MTMR8: variants seen among roughly 807,000 people sequenced by gnomAD.
MTMR8 encodes myotubularin related protein 8.
A neutral mutation model predicts 39.3 loss-of-function variants in MTMR8; 65 were observed. The ratio of observed to expected loss-of-function variants is 1.65; its 90% CI spans 1.35 to 2.03. MTMR8 has a LOEUF of 2.03. Among genes scored for constraint, MTMR8 ranks in the 30% most tolerant of loss-of-function variants. MTMR8 has a pLI of 0.00. For missense variants in MTMR8, 777 were observed against 538.9 expected, an observed-to-expected ratio of 1.44 and a Z score of -4.37; for synonymous variants, 245 against 185.2, an observed-to-expected ratio of 1.32 and a Z score of -2.62.
At chrX:64,349,387 A>G (rs1923425705) in intron 5 of MTMR8, among the ~76,000 whole-genome samples, 1 of 111,698 alleles carries the variant, frequency 9.0e-6, no homozygotes, top group Admixed American at 9.5e-5. Flanking sequence ...ATGACACCCA[A>G]TTGCATTACT....
chrX:64,335,787 G>A (rs1315809877), intron 10 of MTMR8, among the ~76,000 whole-genome samples: 1 of 111,952 alleles, frequency 8.9e-6, no homozygotes, highest in Non-Finnish European at 1.9e-5. Flanking sequence ...ACCTCTTCGT[G>A]CAATGTTAAG....
At chrX:64,282,884 C>T (rs764372617) in intron 12 of MTMR8, among the ~76,000 whole-genome samples, 2 of 111,504 alleles carry the variant, frequency 1.8e-5, no homozygotes, top group Non-Finnish European at 1.9e-5. Context: ...CTCCAGTCTA[C>T]AGCTCCCAGC....
intron 1 of MTMR8, among the ~76,000 whole-genome samples, chrX:64,383,861 T>C (rs976717329): frequency 9.0e-6 from 1 of 111,194 alleles, no homozygotes; most frequent in Non-Finnish European, 1.9e-5. Context: ...AAATCTCATG[T>C]CCTACTCACA....
intron 1 of MTMR8, among the ~76,000 whole-genome samples, chrX:64,379,165 G>T (rs969327406): frequency 9.0e-6 from 1 of 111,389 alleles, no homozygotes; most frequent in African/African-American, 3.3e-5. Flanking sequence ...GAAAGGTTTA[G>T]GTCCAGATGG....
chrX:64,335,369 C>T (rs750272061), intron 10 of MTMR8, among the ~76,000 whole-genome samples: 72 of 111,706 alleles, frequency 6.4e-4, no homozygotes, highest in African/African-American at 2.0e-3. Context: ...TGACCTCAGG[C>T]GATTTGCCCG....
At chrX:64,297,562 C>T (rs1245412312) in intron 12 of MTMR8, among the ~76,000 whole-genome samples, 1 of 88,811 alleles carries the variant, frequency 1.1e-5, no homozygotes, top group Non-Finnish European at 2.2e-5. Flanking sequence ...GTTTCTTTTG[C>T]TGTGCAGAAG....
intron 12 of MTMR8, among the ~76,000 whole-genome samples, chrX:64,310,309 T>A (rs1283298050): frequency 9.0e-6 from 1 of 111,590 alleles, no homozygotes; most frequent in East Asian, 2.8e-4. Context: ...ATCATGAGAT[T>A]GCAGCAATTC....
At chrX:64,280,948 A>G (rs955297727) in intron 12 of MTMR8, among the ~76,000 whole-genome samples, 9 of 111,283 alleles carry the variant, frequency 8.1e-5, no homozygotes, top group Non-Finnish European at 1.7e-4. Flanking sequence ...TTCATTCACA[A>G]TTGCTACAAA....
intron 12 of MTMR8, among the ~76,000 whole-genome samples, chrX:64,299,829 C>T (rs1473754548): frequency 4.1e-5 from 4 of 96,703 alleles, no homozygotes; most frequent in Admixed American, 2.4e-4. Flanking sequence ...GCCTTCATTT[C>T]GTTATGTACC....
Position 64,268,420 on chromosome X carries a change from GA to G in MTMR8, c.*116del, listed in dbSNP as rs1316763825. ...ATTCCCTTCCAGACTTAAGTGGGGA[GA>G]GGGGTGCCCTGGCTTCACCCACTTA... On this transcript the variant is annotated 3_prime_UTR_variant, in exon 14 of 14. Coordinates refer to ENST00000374852, the MANE Select transcript of MTMR8 (RefSeq NM_017677.4). The G allele has an allele frequency of 8.1e-6, 7 of 867,286 alleles. No individual in the cohort carries two copies. The highest frequency in any genetic ancestry group is 6.7e-5 in the Admixed American group (2 of 29,818). 71.5% of individuals were successfully genotyped at this position (867,286 alleles called of 1,213,427 possible). A position where few individuals can be genotyped will look rare whatever the true frequency, so the allele number is the denominator to read the frequency against.
At chrX:64,356,361 C>A (rs749980876) in intron 2 of MTMR8, 23 bp from the exon 3 acceptor site, 1 of 1,179,530 alleles carries the variant, frequency 8.5e-7, no homozygotes, top group Non-Finnish European at 1.1e-6. Flanking sequence ...AAAGAACCAG[C>A]GTAAACATAC....
chrX:64,328,238 C>T (rs1922850257), intron 12 of MTMR8, among the ~76,000 whole-genome samples: 1 of 111,261 alleles, frequency 9.0e-6, no homozygotes, highest in Non-Finnish European at 1.9e-5. Flanking sequence ...AAAAGACATC[C>T]AAATTGAAAA....
intron 1 of MTMR8, among the ~76,000 whole-genome samples, chrX:64,376,093 C>G (rs1924260489): frequency 8.9e-6 from 1 of 112,302 alleles, no homozygotes; most frequent in Admixed American, 9.4e-5. Context: ...TCTTGTACAG[C>G]CTGCAGAGCT....
intron 12 of MTMR8, chrX:64,304,943 T>C (rs758546903): frequency 2.2e-5 from 2 of 89,171 alleles, no homozygotes; most frequent in African/African-American, 7.6e-5. Flanking sequence ...TACACACATA[T>C]ATGTATAAAC....
chrX:64,313,522 C>A (rs755289518), intron 12 of MTMR8, among the ~76,000 whole-genome samples: 2 of 112,789 alleles, frequency 1.8e-5, no homozygotes, highest in African/African-American at 6.4e-5. Context: ...TTTTCCTTCA[C>A]ATTCACAACT....
intron 12 of MTMR8, among the ~76,000 whole-genome samples, chrX:64,297,454 T>A (rs1259571302): frequency 2.4e-5 from 2 of 82,821 alleles, no homozygotes; most frequent in Non-Finnish European, 4.9e-5. Flanking sequence ...TAAATTTGTT[T>A]GAGTTCATTG....
rs1569225756 is a variant in MTMR8 at position 64,348,660 on chromosome X, C to A, written c.732G>T (p.Lys244Asn). ...AAAGAAATCACTGAGAAATAGATAC[C>A]TTTGGTCTTGTGTCTACAACATACA... ...QFMYVVDTRPKLNAMANRAAG... is the reference protein window; with the variant it reads ...QFMYVVDTRPNLNAMANRAAG... The change falls in exon 6 of 14, where the codon AAG becomes AAT. Residue 244 changes from lysine to asparagine, a missense_variant and splice_region_variant. Coordinates refer to ENST00000374852, the MANE Select transcript of MTMR8 (RefSeq NM_017677.4). 3 of 1,208,129 alleles carry A rather than the reference C, an allele frequency of 2.5e-6. No homozygotes were observed. Among genetic ancestry groups the A allele is most frequent in the Non-Finnish European group, 3.4e-6 (3 of 894,127 alleles).
chrX:64,356,540 G>A (rs1364234631), intron 2 of MTMR8, among the ~76,000 whole-genome samples: 2 of 110,708 alleles, frequency 1.8e-5, no homozygotes, highest in Non-Finnish European at 3.8e-5. Flanking sequence ...ACAAGAAGCA[G>A]ACTGCAGTGT....
intron 6 of MTMR8, among the ~76,000 whole-genome samples, chrX:64,345,385 G>A (rs552306765): frequency 8.9e-6 from 1 of 111,949 alleles, no homozygotes; most frequent in Admixed American, 9.5e-5. Context: ...GGGAAAAATA[G>A]GGAGATACAG....
Sources: gnomAD v4.1 joint callset for allele counts (sites outside exome capture counted in the v4.1 genomes callset) on GRCh38, gnomAD v4.1.1 for gene constraint, MANE v1.5 for transcripts, NCBI Gene and HGNC (gene_info 2026-07-23, HGNC 2026-07-21) for gene names.